The following KCTD20 variants were observed in gnomAD, a reference collection of about 807,000 sequenced individuals.
The protein encoded by KCTD20 is BTB/POZ domain-containing protein KCTD20.
KCTD20 carries 30 observed loss-of-function variants against 39.6 expected under a neutral mutation model. The observed-to-expected ratio is 0.76, with a 90% CI of 0.57 to 1.03. KCTD20 has a LOEUF of 1.03. Ranked by LOEUF, KCTD20 falls within the 50% of genes least tolerant of loss-of-function variation. The pLI, the probability that KCTD20 is intolerant of heterozygous loss-of-function variation, is 0.00. For missense variants in KCTD20, 422 were observed against 522.0 expected, an observed-to-expected ratio of 0.81 and a Z score of 1.87; for synonymous variants, 162 against 180.6, an observed-to-expected ratio of 0.90 and a Z score of 0.83.
chr6:36,460,827 A>G (rs1242370312), intron 1 of KCTD20, among the ~76,000 whole-genome samples: 1 of 152,070 alleles, frequency 6.6e-6, no homozygotes, highest in Non-Finnish European at 1.5e-5. Context: ...ATTTATACCT[A>G]TAAGGAGCAG....
At position 36,470,193 on chromosome 6, in the gene KCTD20, A is replaced by C; in HGVS notation, c.96A>C (p.Glu32Asp). The C allele has an allele frequency of 6.2e-7, 1 of 1,614,178 alleles. No individual in the cohort carries two copies. The highest frequency in any genetic ancestry group is 2.2e-5 in the East Asian group (1 of 44,886). The change falls in exon 2 of 8, where the codon GAA becomes GAC. Residue 32 changes from glutamate to aspartate, a missense_variant. Coordinates refer to ENST00000373731, the MANE Select transcript of KCTD20 (RefSeq NM_173562.5). The part of the protein sequence containing the change: ...DDTLAVAQEK[E>D]ANSLASSGPH... ...CTTTAGCTGTAGCCCAAGAAAAAGA[A>C]GCAAACAGCCTGGCTTCATCTGGTC...
chr6:36,476,590 C>T (rs1003068231), intron 3 of KCTD20, among the ~76,000 whole-genome samples: 5 of 151,854 alleles, frequency 3.3e-5, no homozygotes, highest in Non-Finnish European at 7.4e-5. Flanking sequence ...CCACCACACC[C>T]GGCAAATTTT....
intron 1 of KCTD20, among the ~76,000 whole-genome samples, chr6:36,448,015 G>GTGTATGTATATGTATATATATATA (rs559687288): frequency 7.8e-6 from 1 of 128,954 alleles, no homozygotes; most frequent in African/African-American, 3.4e-5. Flanking sequence ...ATGTGTGTGT[G>GTGTATGTATATGTATATATATATA]TATATATATA....
chr6:36,479,779 ATTTTTTTTTT>A lies in KCTD20; in HGVS notation c.658+89_658+98del, dbSNP rs58609674. The A allele has an allele frequency of 4.6e-4, 124 of 268,388 alleles. No individual in the cohort carries two copies. The East Asian group carries it at 9.5e-3, about 21-fold the overall frequency. 16.6% of individuals were successfully genotyped at this position (268,388 alleles called of 1,614,324 possible). On this transcript the variant is annotated intron_variant, in intron 5 of 7. Transcript: ENST00000373731. ...CTTTCAGTTTTCTTGGAAGTCACCGATTTTTTTTTTTTTTTTTTTTTTTTTTTTTTGAGAC... is the reference window on the plus strand; with the variant it reads ...CTTTCAGTTTTCTTGGAAGTCACCGATTTTTTTTTTTTTTTTTTTTGAGAC...
intron 1 of KCTD20, among the ~76,000 whole-genome samples, chr6:36,467,519 A>G (rs1054602459): frequency 4.7e-5 from 7 of 149,514 alleles, no homozygotes; most frequent in African/African-American, 7.4e-5. Flanking sequence ...TGTATTTTTA[A>G]TAGAGACGGG....
At chr6:36,481,838 T>A in intron 6 of KCTD20, 79 bp downstream of exon 6, 1 of 1,206,570 alleles carries the variant, frequency 8.3e-7, no homozygotes, top group Non-Finnish European at 1.2e-6. Flanking sequence ...CTAGAACCAA[T>A]GTGAATATCA....
intron 1 of KCTD20, among the ~76,000 whole-genome samples, chr6:36,466,072 TTTTC>T (rs1775743987): frequency 6.6e-6 from 1 of 151,408 alleles, no homozygotes; most frequent in Non-Finnish European, 1.5e-5. Context: ...GTTTTGTTTC[TTTTC>T]TTTTTTTTTT....
At chr6:36,448,005 A>ATGTGTG (rs771457738) in intron 1 of KCTD20, among the ~76,000 whole-genome samples, 17 of 130,266 alleles carry the variant, frequency 1.3e-4, no homozygotes, top group African/African-American at 4.8e-4. Flanking sequence ...ATATATGTGT[A>ATGTGTG]TGTGTGTGTG....
intron 5 of KCTD20, among the ~76,000 whole-genome samples, chr6:36,480,072 G>A (rs1776197639): frequency 2.6e-5 from 4 of 152,140 alleles, no homozygotes; most frequent in Admixed American, 2.0e-4. Context: ...GGGATTACAG[G>A]CGTGAGCCAC....
At chr6:36,459,060 C>T (rs923001443) in intron 1 of KCTD20, among the ~76,000 whole-genome samples, 1 of 152,174 alleles carries the variant, frequency 6.6e-6, no homozygotes, top group Non-Finnish European at 1.5e-5. Flanking sequence ...AATCCCAGCA[C>T]TTTGGGAGGC....
chr6:36,466,607 C>T (rs1775762112), intron 1 of KCTD20, among the ~76,000 whole-genome samples: 1 of 152,048 alleles, frequency 6.6e-6, no homozygotes, highest in African/African-American at 2.4e-5. Context: ...GTCTTGAACT[C>T]TCAGGCTCAA....
chr6:36,468,574 T>C (rs1775826643), intron 1 of KCTD20, among the ~76,000 whole-genome samples: 1 of 152,244 alleles, frequency 6.6e-6, no homozygotes, highest in Admixed American at 6.5e-5. Context: ...TCCATGGACC[T>C]TGTTCTTTAT....
intron 1 of KCTD20, among the ~76,000 whole-genome samples, chr6:36,446,024 G>GTTTTGT (rs1554158230): frequency 1.3e-4 from 17 of 126,538 alleles, no homozygotes; most frequent in African/African-American, 5.0e-4. Context: ...TATGAACTCA[G>GTTTTGT]TTTTTTTTTT....
intron 1 of KCTD20, chr6:36,451,734 C>T (rs1162775804): frequency 6.6e-6 from 1 of 152,334 alleles, no homozygotes; most frequent in Admixed American, 6.5e-5. Context: ...AAGCGATCCT[C>T]CTGCCTTGGC....
Position 36,466,730 on chromosome 6 carries a change from C to T in KCTD20, c.-46-3322C>T, listed in dbSNP as rs373492505. Among the ~76,000 whole-genome samples the T allele has an allele frequency of 7.7e-4, 117 of 151,248 alleles. No homozygotes were observed. In the South Asian group the frequency reaches 0.018, roughly 23 times the overall value. ...CCCCGCCTTCAATCTGTTCTGAGGA[C>T]GAAGATTCATTTGGGGGATGGCTAC... On this transcript the variant is annotated intron_variant, in intron 1 of 7. Transcript: ENST00000373731.
rs1775839112 is a variant in KCTD20, at chr6:36,469,041, T to C, written c.-46-1011T>C. On this transcript the variant is annotated intron_variant, in intron 1 of 7. Coordinates refer to ENST00000373731, the MANE Select transcript of KCTD20 (RefSeq NM_173562.5). The surrounding 1 kb of genome is among the most constrained non-coding windows in gnomAD (Gnocchi z 4.6). ...TATGTTTATTTTTTATAGATGTTTA[T>C]TGGCACCTACCACATGCTTGGTATG... is the stretch of plus-strand genomic sequence containing the variant. Among the ~76,000 whole-genome samples the C allele has an allele frequency of 6.6e-6, 1 of 152,232 alleles. No individual in the cohort carries two copies. The highest frequency in any genetic ancestry group is 1.5e-5 in the Non-Finnish European group (1 of 68,036).
chr6:36,483,295 T>C (rs1402238342), intron 6 of KCTD20, among the ~76,000 whole-genome samples: 6 of 116,416 alleles, frequency 5.2e-5, no homozygotes, highest in Non-Finnish European at 8.3e-5. Flanking sequence ...TGAGACAGAG[T>C]CCCACCTCCT....
At chr6:36,458,541 CAAAAA>C (rs1174858102) in intron 1 of KCTD20, among the ~76,000 whole-genome samples, 3 of 66,868 alleles carry the variant, frequency 4.5e-5, no homozygotes, top group South Asian at 5.6e-4. Context: ...AACTCCATCT[CAAAAA>C]AAAAAAAAAA....
At chr6:36,450,676 A>C (rs1775225835) in intron 1 of KCTD20, among the ~76,000 whole-genome samples, 1 of 152,056 alleles carries the variant, frequency 6.6e-6, no homozygotes, top group South Asian at 2.1e-4. Context: ...TCATTGTGTT[A>C]TGTTATATTT....
Sources: gnomAD v4.1 joint callset for allele counts (sites outside exome capture counted in the v4.1 genomes callset) on GRCh38, gnomAD v4.1.1 for gene constraint, Gnocchi (gnomAD v3.1) non-coding constraint, MANE v1.5 for transcripts, NCBI Gene and HGNC (gene_info 2026-07-23, HGNC 2026-07-21) for gene names.